Variants in ARPP21 observed in about 807,000 individuals in gnomAD.
ARPP21 encodes the protein cAMP-regulated phosphoprotein 21.
Under a neutral mutation model 113.2 loss-of-function variants are expected in ARPP21, and 69 were observed. That is an observed-to-expected ratio of 0.61 (90% CI 0.50 to 0.74). The LOEUF is 0.74. Among genes scored for constraint, ARPP21 ranks in the 30% least tolerant of loss-of-function variants. The pLI, the probability that ARPP21 is intolerant of heterozygous loss-of-function variation, is 0.00. For missense variants in ARPP21, 1,070 were observed against 1,037.4 expected (o/e 1.03, Z -0.43); for synonymous variants, 368 against 375.5 (o/e 0.98, Z 0.23).
At chr3:35,687,392 G>A (rs960323920) in intron 5 of ARPP21, among the ~76,000 whole-genome samples, 3 of 150,178 alleles carry the variant, frequency 2.0e-5, no homozygotes, top group African/African-American at 7.3e-5. Flanking sequence ...TTAATACAAT[G>A]GCTGTGATGA....
intron 9 of ARPP21, among the ~76,000 whole-genome samples, chr3:35,696,781 T>A (rs546002927): frequency 6.6e-6 from 1 of 151,710 alleles, no homozygotes; most frequent in East Asian, 1.9e-4. Flanking sequence ...GTTAAAAATA[T>A]GAATAGTGAT....
chr3:35,761,580 A>G (rs2095780450), intron 19 of ARPP21, among the ~76,000 whole-genome samples: 1 of 152,122 alleles, frequency 6.6e-6, no homozygotes, highest in Non-Finnish European at 1.5e-5. Context: ...ACAAACAAAC[A>G]AAACCAAACC....
At chr3:35,762,192 A>G (rs1333020975) in intron 19 of ARPP21, among the ~76,000 whole-genome samples, 2 of 151,190 alleles carry the variant, frequency 1.3e-5, no homozygotes, top group Non-Finnish European at 2.9e-5. Context: ...TACACTTAAA[A>G]TTTTATTTTG....
At chr3:35,645,639 GT>G (rs1699917990) in intron 1 of ARPP21, among the ~76,000 whole-genome samples, 1 of 151,908 alleles carries the variant, frequency 6.6e-6, no homozygotes, top group South Asian at 2.1e-4. Flanking sequence ...GAACTAACTA[GT>G]TCCAAATTCA....
chr3:35,639,317 G>A (rs1407998758), upstream of ARPP21, among the ~76,000 whole-genome samples: 2 of 151,972 alleles, frequency 1.3e-5, no homozygotes, highest in Non-Finnish European at 2.9e-5. The surrounding 1 kb of genome is among the most constrained non-coding windows in gnomAD (Gnocchi z 5.0). Flanking sequence ...CGGCGACACT[G>A]GCAGGCGTCC....
chr3:35,715,599 A>AT (rs2092276137), intron 12 of ARPP21, 123 bp downstream of exon 12: 1 of 739,194 alleles, frequency 1.4e-6, no homozygotes, highest in African/African-American at 1.8e-5. Context: ...GCAGATACAT[A>AT]TATCTATGCG....
chr3:35,793,377 A>G (rs2096785369), intron 20 of ARPP21, among the ~76,000 whole-genome samples: 1 of 152,220 alleles, frequency 6.6e-6, no homozygotes, highest in South Asian at 2.1e-4. Context: ...TCTAGAGGTC[A>G]TTGAGAGAGA....
intron 3 of ARPP21, 74 bp downstream of exon 3, chr3:35,681,954 T>TA: frequency 6.8e-7 from 1 of 1,462,662 alleles, no homozygotes. Context: ...CAGAATACTT[T>TA]AGAGATTTAT....
At chr3:35,734,679 G>T (rs1457157790) in intron 15 of ARPP21, among the ~76,000 whole-genome samples, 1 of 152,170 alleles carries the variant, frequency 6.6e-6, no homozygotes, top group South Asian at 2.1e-4. Context: ...ACTAACCTCT[G>T]GTTGCCATTC....
chr3:35,699,778 G>A (rs2149816289), intron 9 of ARPP21, among the ~76,000 whole-genome samples: 1 of 151,776 alleles, frequency 6.6e-6, no homozygotes, highest in Admixed American at 6.6e-5. Context: ...TTGCATATGG[G>A]CTTCAATGGA....
chr3:35,707,976 T>C (rs948731750), intron 10 of ARPP21, among the ~76,000 whole-genome samples: 1 of 152,188 alleles, frequency 6.6e-6, no homozygotes, highest in African/African-American at 2.4e-5. Flanking sequence ...GACTTTGCTT[T>C]AGAATTCTTA....
chr3:35,724,750 A>G (rs1413654702), intron 14 of ARPP21, among the ~76,000 whole-genome samples: 6 of 152,102 alleles, frequency 3.9e-5, no homozygotes, highest in African/African-American at 7.2e-5. Context: ...TTTTGATCCA[A>G]TGCAAGACAC....
At chr3:35,748,114 A>AAAG (rs1553720482) in intron 19 of ARPP21, among the ~76,000 whole-genome samples, 6,832 of 89,682 alleles carry the variant, frequency 0.076, 353 homozygotes, top group African/African-American at 0.13. Context: ...AAGAAAGAAG[A>AAAG]AAGAAAGAAA....
chr3:35,667,088 T>A (rs564563216), intron 1 of ARPP21, among the ~76,000 whole-genome samples: 5 of 152,340 alleles, frequency 3.3e-5, no homozygotes, highest in African/African-American at 9.6e-5. Flanking sequence ...ATATGCTTAA[T>A]GTATCTATGA....
In ARPP21 at chr3:35,729,466, C is replaced by G; in HGVS notation, c.1389C>G (p.Ser463Arg). 1.2e-6 allele frequency: 2 copies of G among 1,614,216 alleles called. No homozygotes were observed. The highest frequency in any genetic ancestry group is 1.7e-6 in the Non-Finnish European group (2 of 1,180,048). Residue 463 changes from serine to arginine, a missense_variant, in exon 15 of 21, where the codon AGC becomes AGG. Coordinates refer to ENST00000684406, the MANE Select transcript of ARPP21 (RefSeq NM_001385562.1). The stretch of plus-strand genomic sequence containing the variant: ...GCCAGGTTGCTCCCAGCAGCACCAG[C>G]TACATCCTCCTTCCACTTGAAGCTG... Reference protein sequence around the residue: ...IGGQVAPSSTSYILLPLEAAT... With the variant: ...IGGQVAPSSTRYILLPLEAAT...
Position 35,739,460 on chromosome 3 carries a change from T to G in ARPP21, c.1893T>G (p.Ser631=), listed in dbSNP as rs1456922227. ...PAQQPSYVIA[S]TGQQLPTGGF... is the part of the protein sequence containing the mutation. ...AGCAGCCCAGCTATGTAATCGCCTCTACAGGCCAGCAGCTTCCTACAGGAG... is the reference window on the plus strand; with the variant it reads ...AGCAGCCCAGCTATGTAATCGCCTCGACAGGCCAGCAGCTTCCTACAGGAG... The change falls in exon 18 of 21, where the codon TCT becomes TCG. Residue 631 remains serine (S), a synonymous_variant. Coordinates refer to ENST00000684406, the MANE Select transcript of ARPP21 (RefSeq NM_001385562.1). 6.2e-7 allele frequency: 1 copy of G among 1,614,198 alleles called. No individual in the cohort carries two copies. Among genetic ancestry groups the G allele is most frequent in the Non-Finnish European group, 8.5e-7 (1 of 1,180,044 alleles).
At chr3:35,693,320 G>A (rs1228488796) in intron 9 of ARPP21, among the ~76,000 whole-genome samples, 1 of 151,582 alleles carries the variant, frequency 6.6e-6, no homozygotes, top group Non-Finnish European at 1.5e-5. Flanking sequence ...GCTCAATAAT[G>A]TTCAATTCAT....
In ARPP21 at chr3:35,729,354, A is replaced by T. The variant is rs962196604; in HGVS notation, c.1277A>T (p.His426Leu). The change falls in exon 15 of 21, where the codon CAT becomes CTT. Residue 426 changes from histidine to leucine, a missense_variant. Transcript: ENST00000684406. ...TCCTCAGGATCGCTGTCCCGCACCC[A>T]TCCACCTCTCCAGAGCACACCCCTA... ...AGSSGSLSRT[H>L]PPLQSTPLVS... 11 of 1,614,112 alleles carry T rather than the reference A, an allele frequency of 6.8e-6. No homozygotes were observed. Among genetic ancestry groups the T allele is most frequent in the Non-Finnish European group, 9.3e-6 (11 of 1,180,022 alleles).
At chr3:35,690,269 T>C (rs1038507809) in intron 8 of ARPP21, 129 bp downstream of exon 8, 9 of 627,390 alleles carry the variant, frequency 1.4e-5, no homozygotes, top group African/African-American at 9.2e-5. Flanking sequence ...ATTTGTTAAA[T>C]GGAGACATTA....
Sources: allele counts gnomAD v4.1 joint callset (sites outside exome capture counted in the v4.1 genomes callset), GRCh38; gene constraint gnomAD v4.1.1; non-coding constraint Gnocchi (gnomAD v3.1); transcripts MANE v1.5; gene names NCBI Gene and HGNC (gene_info 2026-07-23, HGNC 2026-07-21).